Variants in RBMS3 observed in about 807,000 individuals in gnomAD.
RBMS3 encodes RNA-binding motif, single-stranded-interacting protein 3.
RBMS3 carries 27 observed loss-of-function variants against 66.8 expected under a neutral mutation model. The observed-to-expected ratio is 0.40, with a 90% CI of 0.30 to 0.56. RBMS3 has a LOEUF of 0.56. Ranked by LOEUF, RBMS3 falls within the 20% of genes least tolerant of loss-of-function variation. The pLI, the probability that RBMS3 is intolerant of heterozygous loss-of-function variation, is 0.40. For synonymous variants in RBMS3, 188 were observed against 183.0 expected (o/e 1.03, Z -0.22); for missense variants, 513 against 549.5 (o/e 0.93, Z 0.66).
chr3:29,392,928 A>C (rs1377996796), intron 1 of RBMS3, among the ~76,000 whole-genome samples: 1 of 152,028 alleles, frequency 6.6e-6, no homozygotes, highest in Non-Finnish European at 1.5e-5. Flanking sequence ...AAAAAAAGGA[A>C]GACTTATCTT....
chr3:29,545,422 G>A (rs1422168441), intron 3 of RBMS3, among the ~76,000 whole-genome samples: 1 of 151,998 alleles, frequency 6.6e-6, no homozygotes, highest in Admixed American at 6.6e-5. Context: ...GTAACAGTAA[G>A]CAGATTATTA....
chr3:29,431,956 G>A (rs1444557335), intron 1 of RBMS3, among the ~76,000 whole-genome samples: 2 of 152,002 alleles, frequency 1.3e-5, no homozygotes, highest in African/African-American at 4.8e-5. Flanking sequence ...TCGAGCTCCT[G>A]GGCTCAAGCA....
intron 3 of RBMS3, among the ~76,000 whole-genome samples, chr3:29,558,300 A>G (rs764995134): frequency 1.3e-5 from 2 of 152,108 alleles, no homozygotes; most frequent in African/African-American, 4.8e-5. Context: ...TTAAAGATGC[A>G]ATTGAAGAAA....
chr3:29,876,669 C>T (rs2059616653), intron 7 of RBMS3, among the ~76,000 whole-genome samples: 1 of 152,090 alleles, frequency 6.6e-6, no homozygotes, highest in Non-Finnish European at 1.5e-5. Flanking sequence ...CTTTAAGAGG[C>T]TATGACATCT....
At chr3:29,414,009 G>A (rs1487423981) in intron 1 of RBMS3, among the ~76,000 whole-genome samples, 1 of 152,106 alleles carries the variant, frequency 6.6e-6, no homozygotes, top group Non-Finnish European at 1.5e-5. Flanking sequence ...TTCAGAATGT[G>A]CTTAAACACA....
chr3:29,445,280 G>A (rs2041783224), intron 2 of RBMS3, among the ~76,000 whole-genome samples: 2 of 151,994 alleles, frequency 1.3e-5, no homozygotes, highest in African/African-American at 2.4e-5. Flanking sequence ...AAGAAGGAAG[G>A]TTCTGAATAT....
At chr3:29,491,856 G>A (rs1199104010) in intron 3 of RBMS3, among the ~76,000 whole-genome samples, 3 of 152,284 alleles carry the variant, frequency 2.0e-5, no homozygotes, top group South Asian at 2.1e-4. Context: ...AGCCGGGCGT[G>A]GTGGCGGGTG....
intron 4 of RBMS3, chr3:29,730,762 G>A (rs924019436): frequency 3.1e-5 from 20 of 649,734 alleles, no homozygotes; most frequent in Non-Finnish European, 3.6e-5. Flanking sequence ...TTTGTTTCCT[G>A]TTCTCATTTT....
At position 29,916,384 on chromosome 3, in the gene RBMS3, C is replaced by T. The variant is rs188365604; in HGVS notation, c.939+16629C>T. On this transcript the variant is annotated intron_variant, in intron 10 of 14. Transcript: ENST00000383767. The stretch of plus-strand genomic sequence containing the variant: ...TCTCCAGTGAATATCCATTAAAGAG[C>T]ATATGCTTTTTCCCCCATTTTGAAT... Among the ~76,000 whole-genome samples, 318 of 152,074 alleles carry T rather than the reference C, an allele frequency of 2.1e-3. 1 individual carries two copies. Among genetic ancestry groups the T allele is most frequent in the African/African-American group, 7.5e-3 (310 of 41,552 alleles).
chr3:29,420,742 CTTCT>C (rs2040681336), intron 1 of RBMS3, among the ~76,000 whole-genome samples: 1 of 152,030 alleles, frequency 6.6e-6, no homozygotes, highest in South Asian at 2.1e-4. Flanking sequence ...AGCACTGAGG[CTTCT>C]TTAAGGGAAG....
chr3:29,784,270 T>G (rs1445997939), intron 6 of RBMS3, among the ~76,000 whole-genome samples: 2 of 151,982 alleles, frequency 1.3e-5, no homozygotes, highest in African/African-American at 2.4e-5. Context: ...ACATGGAGCA[T>G]TCTCCAAGAT....
chr3:29,473,466 G>A (rs572762095), intron 2 of RBMS3, among the ~76,000 whole-genome samples: 2 of 152,364 alleles, frequency 1.3e-5, no homozygotes, highest in African/African-American at 2.4e-5. Context: ...CACGGAGGCC[G>A]CAGGTGGAGC....
At chr3:29,874,742 T>G (rs945955213) in intron 7 of RBMS3, among the ~76,000 whole-genome samples, 5 of 151,886 alleles carry the variant, frequency 3.3e-5, no homozygotes, top group Admixed American at 3.3e-4. Flanking sequence ...AAATAAACCT[T>G]TTTTTTGGCA....
At chr3:29,989,742 A>T (rs1698699097) in intron 13 of RBMS3, among the ~76,000 whole-genome samples, 1 of 152,236 alleles carries the variant, frequency 6.6e-6, no homozygotes, top group Admixed American at 6.5e-5. Flanking sequence ...TGTCATCTTA[A>T]ACAGTTTTAA....
At chr3:29,769,050 C>A (rs903590993) in intron 6 of RBMS3, among the ~76,000 whole-genome samples, 2 of 151,742 alleles carry the variant, frequency 1.3e-5, no homozygotes, top group African/African-American at 2.4e-5. Flanking sequence ...TTTCATGGCC[C>A]AAATGTACTG....
chr3:29,658,727 A>G (rs1192606861), intron 4 of RBMS3, among the ~76,000 whole-genome samples: 1 of 152,226 alleles, frequency 6.6e-6, no homozygotes, highest in Non-Finnish European at 1.5e-5. Context: ...TGTAGTTTTA[A>G]GAGCCAGTGA....
chr3:29,305,852 T>A (rs1303708233), intron 1 of RBMS3, among the ~76,000 whole-genome samples: 1 of 152,052 alleles, frequency 6.6e-6, no homozygotes, highest in African/African-American at 2.4e-5. Context: ...GGAAAGTTTG[T>A]GCTTTATTTT....
intron 1 of RBMS3, among the ~76,000 whole-genome samples, chr3:29,306,793 G>A (rs1235008180): frequency 6.6e-6 from 1 of 151,790 alleles, no homozygotes; most frequent in Non-Finnish European, 1.5e-5. Flanking sequence ...TCTCCCGTTT[G>A]ACTGGAGTCT....
At chr3:29,657,707 G>C (rs1351310547) in intron 4 of RBMS3, among the ~76,000 whole-genome samples, 1 of 152,160 alleles carries the variant, frequency 6.6e-6, no homozygotes, top group Non-Finnish European at 1.5e-5. Flanking sequence ...GAGTGACTTT[G>C]ATTAGTGTAG....
Sources: allele counts gnomAD v4.1 joint callset (sites outside exome capture counted in the v4.1 genomes callset), GRCh38; gene constraint gnomAD v4.1.1; transcripts MANE v1.5; gene names NCBI Gene and HGNC (gene_info 2026-07-23, HGNC 2026-07-21).